Variants in WWP1 observed in about 807,000 individuals in gnomAD.
The protein encoded by WWP1 is NEDD4-like E3 ubiquitin-protein ligase WWP1.
WWP1 carries 49 observed loss-of-function variants against 130.6 expected under a neutral mutation model. The observed-to-expected ratio is 0.38, with a 90% CI of 0.30 to 0.48. The LOEUF is 0.48. Ranked by LOEUF, WWP1 falls within the 20% of genes least tolerant of loss-of-function variation. WWP1 has a pLI of 0.99. For missense variants in WWP1, 809 were observed against 1,100.6 expected, an observed-to-expected ratio of 0.74 and a Z score of 3.75; for synonymous variants, 332 against 367.8, an observed-to-expected ratio of 0.90 and a Z score of 1.11.
intron 1 of WWP1, among the ~76,000 whole-genome samples, chr8:86,345,612 A>G (rs1822531354): frequency 1.3e-5 from 2 of 149,340 alleles, no homozygotes; most frequent in Admixed American, 1.3e-4. Context: ...GGGTCTCACT[A>G]TTTTGCCCAG....
chr8:86,444,352 G>A (rs575399891), intron 18 of WWP1, among the ~76,000 whole-genome samples: 123 of 152,304 alleles, frequency 8.1e-4, no homozygotes, highest in African/African-American at 2.8e-3. Flanking sequence ...ACATCCACAT[G>A]GAGATGTAAA....
chr8:86,346,818 G>C (rs1822612666), intron 1 of WWP1, among the ~76,000 whole-genome samples: 1 of 151,968 alleles, frequency 6.6e-6, no homozygotes, highest in African/African-American at 2.4e-5. Context: ...ATACTTAATG[G>C]AGGAAAAATG....
At chr8:86,448,866 C>G (rs764836352) in intron 20 of WWP1, among the ~76,000 whole-genome samples, 2 of 152,150 alleles carry the variant, frequency 1.3e-5, no homozygotes, top group Non-Finnish European at 1.5e-5. Context: ...GAGAGAGTTT[C>G]ACTCTGTCGC....
chr8:86,456,699 A>G (rs927587912), intron 21 of WWP1, among the ~76,000 whole-genome samples: 15 of 152,092 alleles, frequency 9.9e-5, no homozygotes, highest in African/African-American at 3.6e-4. Context: ...AGTAACCTAA[A>G]TGTTCATTAA....
At chr8:86,378,708 C>A (rs1368719642) in intron 3 of WWP1, among the ~76,000 whole-genome samples, 1 of 152,132 alleles carries the variant, frequency 6.6e-6, no homozygotes, top group Non-Finnish European at 1.5e-5. Context: ...AGATTATTAT[C>A]TTTGAAAAAT....
chr8:86,376,426 G>A (rs902857874), intron 3 of WWP1, among the ~76,000 whole-genome samples: 2 of 151,810 alleles, frequency 1.3e-5, no homozygotes, highest in Non-Finnish European at 1.5e-5. Flanking sequence ...AAAATTAGCC[G>A]GGCATAGTGG....
intron 5 of WWP1, among the ~76,000 whole-genome samples, chr8:86,392,261 AAG>A (rs1227562343): frequency 6.6e-6 from 1 of 152,184 alleles, no homozygotes; most frequent in South Asian, 2.1e-4. Context: ...AGTTTGATTA[AAG>A]AGAGAATCTT....
intron 22 of WWP1, among the ~76,000 whole-genome samples, chr8:86,458,874 C>T (rs1037889694): frequency 6.6e-6 from 1 of 152,012 alleles, no homozygotes; most frequent in African/African-American, 2.4e-5. Flanking sequence ...TGGCACATAC[C>T]AAAGTATTTA....
At chr8:86,368,098 T>G (rs976656950) in intron 1 of WWP1, among the ~76,000 whole-genome samples, 3 of 152,218 alleles carry the variant, frequency 2.0e-5, no homozygotes, top group African/African-American at 7.2e-5. Flanking sequence ...ATATTTAACC[T>G]CCTTCTCCCA....
At chr8:86,410,966 CGTA>C (rs1808549397) in intron 8 of WWP1, among the ~76,000 whole-genome samples, 1 of 152,028 alleles carries the variant, frequency 6.6e-6, no homozygotes, top group South Asian at 2.1e-4. Flanking sequence ...TATAGTGACA[CGTA>C]GTCGAACTAG....
intron 1 of WWP1, among the ~76,000 whole-genome samples, chr8:86,354,332 G>A (rs1349283926): frequency 6.6e-6 from 1 of 152,168 alleles, no homozygotes; most frequent in Non-Finnish European, 1.5e-5. Flanking sequence ...CTGCAGTAAA[G>A]TCTAGGGCAG....
intron 16 of WWP1, 97 bp from the exon 17 acceptor site, chr8:86,438,488 T>G (rs1810416631): frequency 2.2e-6 from 2 of 888,950 alleles, no homozygotes; most frequent in Non-Finnish European, 3.3e-6. Context: ...GATAAGGAAA[T>G]GTGTTATTTT....
intron 12 of WWP1, 47 bp downstream of exon 12, chr8:86,430,798 CAT>C (rs36226595): frequency 0.059 from 11,502 of 194,650 alleles, 185 homozygotes; most frequent in East Asian, 0.13. Context: ...TATATCTCTC[CAT>C]ATATATATAT....
rs1389847659 is a variant in WWP1, at chr8:86,387,768, C to T, written c.334+6139C>T. ...CGAACTCCTGACCTCAAGTGATCTG[C>T]CTGCCTCAGCCTCTGAAAGTGCCGG... On this transcript the variant is annotated intron_variant, in intron 5 of 24. Coordinates refer to ENST00000517970, the MANE Select transcript of WWP1 (RefSeq NM_007013.4). Among the ~76,000 whole-genome samples, 30 of 152,146 alleles carry T rather than the reference C, an allele frequency of 2.0e-4. 1 individual carries two copies. Among genetic ancestry groups the T allele is most frequent in the Admixed American group, 1.8e-3 (27 of 15,272 alleles).
chr8:86,425,760 T>C (rs1052760130), intron 10 of WWP1, among the ~76,000 whole-genome samples: 3 of 152,220 alleles, frequency 2.0e-5, no homozygotes, highest in Non-Finnish European at 2.9e-5. Context: ...AGTGAACTTA[T>C]ACCTAAAATT....
chr8:86,441,655 T>C (rs1366314461), intron 17 of WWP1, among the ~76,000 whole-genome samples: 3 of 152,194 alleles, frequency 2.0e-5, no homozygotes, highest in Admixed American at 6.5e-5. Context: ...GCATATACTC[T>C]GTTTCACTAT....
At chr8:86,380,021 G>T (rs987891727) in intron 3 of WWP1, among the ~76,000 whole-genome samples, 1 of 152,150 alleles carries the variant, frequency 6.6e-6, no homozygotes, top group Non-Finnish European at 1.5e-5. Flanking sequence ...ATGCCCAAGA[G>T]AAATGAAAAC....
intron 5 of WWP1, chr8:86,387,129 G>A (rs1825330344): frequency 6.6e-6 from 1 of 152,122 alleles, no homozygotes; most frequent in Admixed American, 6.6e-5. Context: ...TTTGTGGGAT[G>A]CCATCAGACT....
At chr8:86,437,700 A>T (rs998233602) in intron 16 of WWP1, among the ~76,000 whole-genome samples, 1 of 152,220 alleles carries the variant, frequency 6.6e-6, no homozygotes, top group Non-Finnish European at 1.5e-5. Flanking sequence ...AAACTGAATT[A>T]CTAATACCTA....
Sources: gnomAD v4.1 joint callset for allele counts (sites outside exome capture counted in the v4.1 genomes callset) on GRCh38, gnomAD v4.1.1 for gene constraint, MANE v1.5 for transcripts, NCBI Gene and HGNC (gene_info 2026-07-23, HGNC 2026-07-21) for gene names.